The following GRIN2B variants were observed in gnomAD, a reference collection of about 807,000 sequenced individuals.
The protein encoded by GRIN2B is glutamate receptor ionotropic, NMDA 2B.
GRIN2B carries 5 observed loss-of-function variants against 114.5 expected under a neutral mutation model. That is an observed-to-expected ratio of 0.04 (90% CI 0.02 to 0.09). The LOEUF is 0.09. Ranked by LOEUF, GRIN2B falls within the 10% of genes least tolerant of loss-of-function variation. The probability of loss-of-function intolerance (pLI) is 1.00; values close to 1 mark genes in which losing one functional copy is unlikely to be tolerated. For missense variants in GRIN2B, 1,108 were observed against 1,943.5 expected (o/e 0.57, Z 8.08); for synonymous variants, 787 against 745.1 (o/e 1.06, Z -0.92).
intron 3 of GRIN2B, among the ~76,000 whole-genome samples, chr12:13,827,048 T>C (rs181102646): frequency 4.0e-5 from 6 of 151,656 alleles, no homozygotes; most frequent in African/African-American, 1.4e-4. Context: ...TTTTCAGTAT[T>C]TTAAGGACAT....
chr12:13,669,188 A>G (rs1950002439), intron 5 of GRIN2B, among the ~76,000 whole-genome samples: 1 of 151,900 alleles, frequency 6.6e-6, no homozygotes, highest in Middle Eastern at 3.2e-3. Context: ...CTGTTAAGAA[A>G]TTCTCCCTTT....
intron 2 of GRIN2B, among the ~76,000 whole-genome samples, chr12:13,951,880 T>C (rs1867487864): frequency 6.6e-6 from 1 of 152,138 alleles, no homozygotes; most frequent in African/African-American, 2.4e-5. Flanking sequence ...ATAGACTTTA[T>C]TGGTAATAAG....
At chr12:13,764,832 A>T (rs1344383340) in intron 3 of GRIN2B, among the ~76,000 whole-genome samples, 1 of 152,232 alleles carries the variant, frequency 6.6e-6, no homozygotes, top group Non-Finnish European at 1.5e-5. Context: ...AAACAGAAGG[A>T]AACTCGGGGC....
rs926756877 is a variant in GRIN2B at position 13,541,364 on chromosome 12, T to C, written c.*21419A>G. 6.6e-6 allele frequency: 1 copy of C among 152,194 alleles called. No individual in the cohort carries two copies. The highest frequency in any genetic ancestry group is 1.5e-5 in the Non-Finnish European group (1 of 68,032). 9.4% of individuals were successfully genotyped at this position (152,194 alleles called of 1,614,324 possible). A position where few individuals can be genotyped will look rare whatever the true frequency, so the allele number is the denominator to read the frequency against. ...AAATAGGCGTACCCAGGTTACCCCA[T>C]TAACCAGGGGTGGGAGCCAGTCTGA... On this transcript the variant is annotated 3_prime_UTR_variant, in exon 14 of 14. Transcript: ENST00000609686.
chr12:13,788,115 A>G (rs534846534), intron 3 of GRIN2B, among the ~76,000 whole-genome samples: 34 of 152,324 alleles, frequency 2.2e-4, no homozygotes, highest in Admixed American at 4.6e-4. Flanking sequence ...TGAATAGCTT[A>G]TGTGGCAGGT....
chr12:13,670,116 G>A (rs895595192), intron 5 of GRIN2B, among the ~76,000 whole-genome samples: 13 of 152,048 alleles, frequency 8.5e-5, no homozygotes, highest in African/African-American at 3.1e-4. Context: ...GTACTATCAT[G>A]GGTTCAAAAC....
At chr12:13,904,634 G>C (rs1229396853) in intron 2 of GRIN2B, among the ~76,000 whole-genome samples, 1 of 152,034 alleles carries the variant, frequency 6.6e-6, no homozygotes, top group Non-Finnish European at 1.5e-5. Context: ...ATCGTTTACT[G>C]AAGGTTTGCT....
At chr12:13,698,963 G>A (rs532198052) in intron 4 of GRIN2B, among the ~76,000 whole-genome samples, 7 of 152,236 alleles carry the variant, frequency 4.6e-5, no homozygotes, top group South Asian at 4.1e-4. Flanking sequence ...CATTACAGGC[G>A]TGAGCCACCG....
chr12:13,619,936 A>ACTATATT (rs1949494777), intron 5 of GRIN2B, among the ~76,000 whole-genome samples: 1 of 152,256 alleles, frequency 6.6e-6, no homozygotes, highest in African/African-American at 2.4e-5. Context: ...CTCCAAGGAC[A>ACTATATT]GTCTAGAGGG....
intron 5 of GRIN2B, among the ~76,000 whole-genome samples, chr12:13,674,238 T>C (rs1408347720): frequency 1.3e-5 from 2 of 152,170 alleles, no homozygotes; most frequent in East Asian, 3.9e-4. Context: ...TACACACCTA[T>C]AGTCCCAGCT....
intron 4 of GRIN2B, among the ~76,000 whole-genome samples, chr12:13,751,501 A>G (rs1323748132): frequency 2.0e-5 from 3 of 152,166 alleles, no homozygotes. Flanking sequence ...GGAGACTAAA[A>G]TCCGGGGCAA....
intron 10 of GRIN2B, among the ~76,000 whole-genome samples, chr12:13,587,430 T>C (rs1948944016): frequency 6.6e-6 from 1 of 151,548 alleles, no homozygotes; most frequent in Non-Finnish European, 1.5e-5. Context: ...CAATCACAGC[T>C]CACTGAAGCC....
chr12:13,850,930 G>A (rs1459510830), intron 3 of GRIN2B, among the ~76,000 whole-genome samples: 1 of 152,096 alleles, frequency 6.6e-6, no homozygotes, highest in African/African-American at 2.4e-5. Flanking sequence ...TAATACTACT[G>A]TCTAAATCCT....
At chr12:13,946,752 T>A (rs913421086) in intron 2 of GRIN2B, among the ~76,000 whole-genome samples, 26 of 152,174 alleles carry the variant, frequency 1.7e-4, no homozygotes, top group African/African-American at 6.3e-4. Context: ...ATGATATGTG[T>A]ATTTTACCAC....
rs1162033651 is a variant in GRIN2B, at chr12:13,537,437, A to C, written c.*25346T>G. On this transcript the variant is annotated 3_prime_UTR_variant, in exon 14 of 14. Transcript: ENST00000609686. ...GTGTATGCTGGGGATAGGCAGAATT[A>C]GAGAACGAGGCTGTAATCATAAAAT... 3 of 152,142 alleles carry C rather than the reference A, an allele frequency of 2.0e-5. No individual in the cohort carries two copies. Among genetic ancestry groups the C allele is most frequent in the Admixed American group, 2.0e-4 (3 of 15,276 alleles). 9.4% of individuals were successfully genotyped at this position (152,142 alleles called of 1,614,324 possible).
chr12:13,888,280 AGGCTCTGT>A (rs1866199074), intron 2 of GRIN2B, among the ~76,000 whole-genome samples: 1 of 152,184 alleles, frequency 6.6e-6, no homozygotes, highest in African/African-American at 2.4e-5. Flanking sequence ...CTACACACCT[AGGCTCTGT>A]GGTATAGTCT....
chr12:13,897,623 CTT>C (rs147842839), intron 2 of GRIN2B, among the ~76,000 whole-genome samples: 106 of 152,274 alleles, frequency 7.0e-4, no homozygotes, highest in African/African-American at 2.5e-3. Flanking sequence ...AGGCAGGACA[CTT>C]ATCCCTCTGG....
In GRIN2B at chr12:13,540,349, C is replaced by T. The variant is rs934135402; in HGVS notation, c.*22434G>A. The T allele has an allele frequency of 2.6e-5, 4 of 152,026 alleles. No homozygotes were observed. Among genetic ancestry groups the T allele is most frequent in the Non-Finnish European group, 5.9e-5 (4 of 68,016 alleles). The allele number at this position is 152,026 out of a possible 1,614,324, so 9.4% of individuals were successfully genotyped here. A position where few individuals can be genotyped will look rare whatever the true frequency, so the allele number is the denominator to read the frequency against. On this transcript the variant is annotated 3_prime_UTR_variant, in exon 14 of 14. Transcript: ENST00000609686. Reference sequence around the variant, plus strand: ...TCTTTGACTATTTACAGCTTTTATACATCACAAAGTTTTTCTTGTTTTTTT... The same window carrying T: ...TCTTTGACTATTTACAGCTTTTATATATCACAAAGTTTTTCTTGTTTTTTT...
At chr12:13,570,453 A>G (rs1948691474) in intron 11 of GRIN2B, among the ~76,000 whole-genome samples, 2 of 152,170 alleles carry the variant, frequency 1.3e-5, no homozygotes, top group African/African-American at 4.8e-5. Context: ...TTGTGTTTCA[A>G]TAGATGTGCA....
Sources: allele counts gnomAD v4.1 joint callset (sites outside exome capture counted in the v4.1 genomes callset), GRCh38; gene constraint gnomAD v4.1.1; transcripts MANE v1.5; gene names NCBI Gene and HGNC (gene_info 2026-07-23, HGNC 2026-07-21).